Variants in UGGT1 observed in about 807,000 individuals in gnomAD.
UGGT1 encodes UDP-glucose:glycoprotein glucosyltransferase 1.
UGGT1 carries 107 observed loss-of-function variants against 203.9 expected under a neutral mutation model. The ratio of observed to expected loss-of-function variants is 0.52; its 90% CI spans 0.45 to 0.62. The LOEUF is 0.62. UGGT1 is among the 20% of genes least tolerant of loss of function. UGGT1 has a pLI of 0.00. For synonymous variants in UGGT1, 628 were observed against 653.5 expected (o/e 0.96, Z 0.59); for missense variants, 1,673 against 1,867.2 (o/e 0.90, Z 1.92).
intron 12 of UGGT1, among the ~76,000 whole-genome samples, chr2:128,128,533 C>T (rs545576912): frequency 3.9e-5 from 6 of 152,114 alleles, no homozygotes; most frequent in South Asian, 2.1e-4. Flanking sequence ...AGGCTGGTCT[C>T]GAACTACTGA....
At chr2:128,187,675 G>A in intron 40 of UGGT1, 61 bp downstream of exon 40, 1 of 1,502,718 alleles carries the variant, frequency 6.7e-7, no homozygotes. Flanking sequence ...TCTGCTTGTT[G>A]TAAAGACAAT....
At chr2:128,128,157 G>A (rs970235995) in intron 12 of UGGT1, among the ~76,000 whole-genome samples, 2 of 151,974 alleles carry the variant, frequency 1.3e-5, no homozygotes, top group African/African-American at 2.4e-5. Context: ...TCCACTTTTT[G>A]GTAAAATGTG....
Position 128,164,732 on chromosome 2 carries a change from C to T in UGGT1, c.2828C>T (p.Ala943Val). ...ATTTCTCTAACCCCTTCTTTCAGGGCAAGCGACTTGGTAATGAAGGTGGAT... is the reference window on the plus strand; with the variant it reads ...ATTTCTCTAACCCCTTCTTTCAGGGTAAGCGACTTGGTAATGAAGGTGGAT... ...IQQLRVEEDV[A>V]SDLVMKVDAL... Residue 943 changes from alanine (A) to valine (V), a missense_variant and splice_region_variant, in exon 26 of 41, where the codon GCA (alanine) becomes GTA (valine). Ala to Val is a moderately conservative substitution (Grantham distance 64). Coordinates refer to ENST00000259253, the MANE Select transcript of UGGT1 (RefSeq NM_020120.4). 6.2e-7 allele frequency: 1 copy of T among 1,613,846 alleles called. No homozygotes were observed. Among genetic ancestry groups the T allele is most frequent in the Non-Finnish European group, 8.5e-7 (1 of 1,179,832 alleles).
chr2:128,148,273 G>A (rs991446830), intron 18 of UGGT1, among the ~76,000 whole-genome samples: 4 of 151,958 alleles, frequency 2.6e-5, no homozygotes, highest in Non-Finnish European at 5.9e-5. Context: ...CATCGGCCAG[G>A]CTCTAATTTC....
chr2:128,097,894 C>T (rs918727062), intron 2 of UGGT1, among the ~76,000 whole-genome samples: 2 of 152,156 alleles, frequency 1.3e-5, no homozygotes, highest in African/African-American at 4.8e-5. Flanking sequence ...CAGGGTCTCG[C>T]TCTGTTGCCC....
In UGGT1 at chr2:128,164,807, T is replaced by G. The variant is rs772544587; in HGVS notation, c.2903T>G (p.Phe968Cys). ...GGAGATCCAAGAATCGAGTACCAGT[T>G]TTTTGAAGACAGACACAGGTATAGA... The part of the protein sequence containing the change: ...PKGDPRIEYQ[F>C]FEDRHSAIKL... The change falls in exon 26 of 41, where the codon TTT becomes TGT. Residue 968 changes from phenylalanine to cysteine, a missense_variant. Physicochemically the swap from Phe to Cys is radical, Grantham distance 205 (BLOSUM62 -2). Coordinates refer to ENST00000259253, the MANE Select transcript of UGGT1 (RefSeq NM_020120.4). 4 of 1,607,038 alleles carry G rather than the reference T, an allele frequency of 2.5e-6. No homozygotes were observed. Among genetic ancestry groups the G allele is most frequent in the Non-Finnish European group, 3.4e-6 (4 of 1,177,940 alleles).
intron 24 of UGGT1, 61 bp downstream of exon 24, chr2:128,160,652 C>T: frequency 6.5e-7 from 1 of 1,544,702 alleles, no homozygotes; most frequent in South Asian, 1.2e-5. Context: ...CAGCATTCTC[C>T]TCTGAAGCTA....
rs1015484091 is a variant in UGGT1 at position 128,120,438 on chromosome 2, A to C, written c.955A>C (p.Lys319Gln). 3 of 1,613,884 alleles carry C rather than the reference A, an allele frequency of 1.9e-6. No homozygotes were observed. Among genetic ancestry groups the C allele is most frequent in the Admixed American group, 3.3e-5 (2 of 59,962 alleles). Residue 319 changes from lysine to glutamine, a missense_variant, in exon 9 of 41, where the codon AAG (lysine) becomes CAG (glutamine). Transcript: ENST00000259253. ...GAGCACCAATGAAATGGCACCTTTA[A>C]AGGTTTGGCAGTTGCAAGGTAATGA... ...VESTNEMAPL[K>Q]VWQLQDLSFQ...
chr2:128,193,220 A>G lies in UGGT1; in HGVS notation c.*3478A>G, dbSNP rs997821700. The G allele has an allele frequency of 5.3e-5, 8 of 151,630 alleles. No homozygotes were observed. The highest frequency in any genetic ancestry group is 1.9e-4 in the African/African-American group (8 of 41,206). 9.4% of individuals were successfully genotyped at this position (151,630 alleles called of 1,614,324 possible). A position where few individuals can be genotyped will look rare whatever the true frequency, so the allele number is the denominator to read the frequency against. On this transcript the variant is annotated 3_prime_UTR_variant, in exon 41 of 41. Transcript: ENST00000259253. ...AAAAAAAAATTAAAACAGTTTCCAT[A>G]AATGGAGCTTAATTTGCTCTGCTGT...
rs758224678 is a variant in UGGT1 at position 128,156,402 on chromosome 2, C to G, written c.2247C>G (p.Ser749=). The change falls in exon 21 of 41, where the codon TCC becomes TCG. Residue 749 remains serine, a synonymous_variant. Transcript: ENST00000259253. ...TTTACCTTTGTTCAGGAATGTCCTC[C>G]AAGGAAATCTATGGTAACTTAAAAC... The part of the protein sequence containing the change: ...MNYLTKKGMS[S]KEIYDDSFIR... 6.3e-7 allele frequency: 1 copy of G among 1,595,528 alleles called. No homozygotes were observed. The highest frequency in any genetic ancestry group is 1.1e-5 in the South Asian group (1 of 89,952).
At chr2:128,150,261 C>T (rs192653896) in intron 18 of UGGT1, among the ~76,000 whole-genome samples, 1 of 152,040 alleles carries the variant, frequency 6.6e-6, no homozygotes, top group South Asian at 2.1e-4. Flanking sequence ...CATAACGAGA[C>T]CTCATCTCTA....
intron 2 of UGGT1, among the ~76,000 whole-genome samples, chr2:128,100,018 A>ACCCCTC (rs1558748077): frequency 2.9e-5 from 1 of 34,914 alleles, no homozygotes; most frequent in African/African-American, 1.1e-4. Context: ...GAGATTTACA[A>ACCCCTC]CCCCCCCCCC....
chr2:128,103,103 AC>A (rs761088304), intron 2 of UGGT1: 2 of 470,932 alleles, frequency 4.2e-6, no homozygotes, highest in Admixed American at 4.7e-5. Context: ...GAGATTGTAC[AC>A]CCCAGTGTTC....
chr2:128,121,238 C>T lies in UGGT1; in HGVS notation c.1013C>T (p.Pro338Leu), dbSNP rs766430960. Reference sequence around the variant, plus strand: ...ACTGCTGCTCGAATCTTGGCTTCTCCTGTTGAGTTGGCTTTGGTTGTCATG... The same window carrying T: ...ACTGCTGCTCGAATCTTGGCTTCTCTTGTTGAGTTGGCTTTGGTTGTCATG... Reference protein sequence around the residue: ...FQTAARILASPVELALVVMKD... With the variant: ...FQTAARILASLVELALVVMKD... The change falls in exon 10 of 41, where the codon CCT becomes CTT. Residue 338 changes from proline to leucine, a missense_variant. Around this residue, in one of 4 missense-constraint regions of UGGT1, gnomAD observed 1,073 missense variants for 1,078.7 expected, o/e 0.99. Coordinates refer to ENST00000259253, the MANE Select transcript of UGGT1 (RefSeq NM_020120.4). 6.2e-6 allele frequency: 10 copies of T among 1,613,684 alleles called. No individual in the cohort carries two copies. The highest frequency in any genetic ancestry group is 8.5e-6 in the Non-Finnish European group (10 of 1,179,938).
chr2:128,138,992 C>A, intron 16 of UGGT1, 140 bp downstream of exon 16: 1 of 1,113,960 alleles, frequency 9.0e-7, no homozygotes, highest in Non-Finnish European at 1.3e-6. Flanking sequence ...ATGTCTGCTG[C>A]AGTGTATAGA....
chr2:128,131,230 T>C (rs1688860409), intron 13 of UGGT1, among the ~76,000 whole-genome samples: 1 of 75,134 alleles, frequency 1.3e-5, no homozygotes, highest in Non-Finnish European at 2.6e-5. Context: ...GAGACTCTTG[T>C]CTCAAAAAAA....
intron 6 of UGGT1, among the ~76,000 whole-genome samples, chr2:128,114,213 G>A (rs1257142371): frequency 6.6e-6 from 1 of 152,138 alleles, no homozygotes; most frequent in Non-Finnish European, 1.5e-5. Flanking sequence ...CGCCTCCTGA[G>A]TTCAAGTGAC....
rs745440702 is a variant in UGGT1, at chr2:128,159,604, G to A, written c.2446G>A (p.Ala816Thr). Residue 816 changes from alanine (A) to threonine (T), a missense_variant, in exon 23 of 41, where the codon GCA (alanine) becomes ACA (threonine). Ala to Thr is a moderately conservative substitution (Grantham distance 58). Around this residue, in one of 4 missense-constraint regions of UGGT1, gnomAD observed 1,073 missense variants for 1,078.7 expected, o/e 0.99. Transcript: ENST00000259253. ...ENTQISRAIWAALQTQTSNAA... is the reference protein window; with the variant it reads ...ENTQISRAIWTALQTQTSNAA... Reference sequence around the variant, plus strand: ...CACTCAGATCTCCAGAGCAATCTGGGCAGCTCTCCAAACTCAGACTTCCAA... The same window carrying A: ...CACTCAGATCTCCAGAGCAATCTGGACAGCTCTCCAAACTCAGACTTCCAA... 1.5e-5 allele frequency: 25 copies of A among 1,614,026 alleles called. No individual in the cohort carries two copies. The highest frequency in any genetic ancestry group is 7.7e-5 in the South Asian group (7 of 91,084).
chr2:128,103,879 G>A, intron 2 of UGGT1, 53 bp from the exon 3 acceptor site: 1 of 1,345,914 alleles, frequency 7.4e-7, no homozygotes, highest in Non-Finnish European at 1.0e-6. Context: ...TAGTAATATA[G>A]TTTATATTAG....
Sources: allele counts gnomAD v4.1 joint callset (sites outside exome capture counted in the v4.1 genomes callset), GRCh38; gene constraint gnomAD v4.1.1; regional missense constraint gnomAD v4.1.1; transcripts MANE v1.5; gene names NCBI Gene and HGNC (gene_info 2026-07-23, HGNC 2026-07-21).